Variants in PLD5 observed in about 807,000 individuals in gnomAD.
PLD5 encodes inactive phospholipase D5.
In PLD5, 36 loss-of-function variants were observed where a neutral mutation model predicts 61.1. The ratio of observed to expected loss-of-function variants is 0.59; its 90% CI spans 0.45 to 0.78. The LOEUF (loss-of-function observed/expected upper bound fraction) is 0.78, where lower values mean the gene tolerates loss of function less well. Ranked by LOEUF, PLD5 falls within the 30% of genes least tolerant of loss-of-function variation. The probability of loss-of-function intolerance (pLI) is 0.00; values close to 1 mark genes in which losing one functional copy is unlikely to be tolerated. For synonymous variants in PLD5, 243 were observed against 242.8 expected (o/e 1.00, Z -0.01); for missense variants, 515 against 644.4 (o/e 0.80, Z 2.17).
chr1:242,298,542 T>C (rs1675848491), intron 2 of PLD5, among the ~76,000 whole-genome samples: 1 of 152,162 alleles, frequency 6.6e-6, no homozygotes, highest in African/African-American at 2.4e-5. Flanking sequence ...AAAGCTAGAT[T>C]TGGCCTTTGT....
intron 1 of PLD5, among the ~76,000 whole-genome samples, chr1:242,484,510 A>G (rs1245276795): frequency 6.6e-6 from 1 of 152,226 alleles, no homozygotes; most frequent in Non-Finnish European, 1.5e-5. Flanking sequence ...CTAAACCAGG[A>G]AGAAGTTGAA....
chr1:242,125,696 C>T (rs1297232797), intron 5 of PLD5, among the ~76,000 whole-genome samples: 1 of 152,114 alleles, frequency 6.6e-6, no homozygotes, highest in African/African-American at 2.4e-5. Flanking sequence ...GACCCAGGGC[C>T]CATTGATAGT....
chr1:242,306,506 T>C (rs1285241459), intron 2 of PLD5, among the ~76,000 whole-genome samples: 1 of 150,944 alleles, frequency 6.6e-6, no homozygotes, highest in Non-Finnish European at 1.5e-5. Context: ...GTGAAACTGT[T>C]CTGGAAGCAA....
At chr1:242,431,386 T>C (rs1303107478) in intron 1 of PLD5, among the ~76,000 whole-genome samples, 2 of 152,246 alleles carry the variant, frequency 1.3e-5, no homozygotes. Context: ...GATAATCTTT[T>C]CTAGCGACTG....
intron 1 of PLD5, among the ~76,000 whole-genome samples, chr1:242,354,918 T>G (rs1170090911): frequency 6.6e-6 from 1 of 152,148 alleles, no homozygotes; most frequent in Non-Finnish European, 1.5e-5. Context: ...ATGTGGTGTA[T>G]CACATTTAAT....
At chr1:242,330,024 G>T (rs77862730) in intron 2 of PLD5, among the ~76,000 whole-genome samples, 12,487 of 152,122 alleles carry the variant, frequency 0.082, 662 homozygotes, top group East Asian at 0.24. Flanking sequence ...TTGTAAGACA[G>T]TTTTTTTAAA....
intron 5 of PLD5, among the ~76,000 whole-genome samples, chr1:242,126,936 T>C (rs1662833197): frequency 6.6e-6 from 1 of 151,886 alleles, no homozygotes; most frequent in Admixed American, 6.6e-5. Context: ...ATATCAAGAA[T>C]CTACAATGAA....
At chr1:242,432,538 G>T (rs189691453) in intron 1 of PLD5, among the ~76,000 whole-genome samples, 19 of 152,264 alleles carry the variant, frequency 1.2e-4, no homozygotes, top group African/African-American at 4.6e-4. Flanking sequence ...TAAAGCTGGG[G>T]CTTAAAGCCA....
intron 4 of PLD5, among the ~76,000 whole-genome samples, chr1:242,253,212 G>C (rs936275425): frequency 6.7e-6 from 1 of 148,694 alleles, no homozygotes; most frequent in Non-Finnish European, 1.5e-5. Context: ...GCTCACTGCA[G>C]GGTGGAACTC....
At chr1:242,418,899 A>G (rs1664973835) in intron 1 of PLD5, among the ~76,000 whole-genome samples, 1 of 152,200 alleles carries the variant, frequency 6.6e-6, no homozygotes, top group Non-Finnish European at 1.5e-5. Context: ...ACCAAATGGA[A>G]TAGTAATCTC....
chr1:242,428,260 A>T (rs1474087815), intron 1 of PLD5, among the ~76,000 whole-genome samples: 2 of 152,234 alleles, frequency 1.3e-5, no homozygotes, highest in Non-Finnish European at 2.9e-5. Context: ...GAGAGAAACA[A>T]AAGCCAAAAT....
At chr1:242,224,850 TGTA>T (rs1365966027) in intron 4 of PLD5, among the ~76,000 whole-genome samples, 2 of 152,178 alleles carry the variant, frequency 1.3e-5, no homozygotes, top group Non-Finnish European at 2.9e-5. Flanking sequence ...ACAATTTACT[TGTA>T]GTAAAATTCA....
intron 2 of PLD5, among the ~76,000 whole-genome samples, chr1:242,289,236 C>A (rs1675210797): frequency 6.6e-6 from 1 of 152,108 alleles, no homozygotes; most frequent in South Asian, 2.1e-4. Context: ...TATTGTCATA[C>A]CTTTCCTTGG....
Position 242,180,985 on chromosome 1 carries a change from A to AAAAC in PLD5, c.735+38999_735+39002dup, listed in dbSNP as rs545725246. Among the ~76,000 whole-genome samples the AAAAC allele has an allele frequency of 5.6e-3, 857 of 152,070 alleles. 6 individuals carry two copies. The highest frequency in any genetic ancestry group is 0.018 in the South Asian group (87 of 4,806). ...GTGACAGAGGAAGACTAGGTCTCAA[A>AAAAC]AAACAAACAAACAAACAAACAAACA... On this transcript the variant is annotated intron_variant, in intron 5 of 9. Transcript: ENST00000536534.
rs529140782 is a variant in PLD5, at chr1:242,322,634, C to G, written c.326+25472G>C. Among the ~76,000 whole-genome samples the G allele has an allele frequency of 3.9e-5, 6 of 152,274 alleles. No homozygotes were observed. In the East Asian group the frequency reaches 1.2e-3, roughly 29 times the overall value. ...ACTGGATCATGGGGGTGGATTTCCC[C>G]TTGCTGTTCCCATGATAGTGAGTGA... On this transcript the variant is annotated intron_variant, in intron 2 of 9. Coordinates refer to ENST00000536534, the MANE Select transcript of PLD5 (RefSeq NM_001372062.1).
intron 1 of PLD5, among the ~76,000 whole-genome samples, chr1:242,460,250 G>A (rs1040719506): frequency 3.3e-5 from 5 of 151,850 alleles, no homozygotes; most frequent in Admixed American, 6.6e-5. Context: ...ACCTACCCCC[G>A]CCCTCACTAA....
chr1:242,390,347 T>G (rs565509404), intron 1 of PLD5, among the ~76,000 whole-genome samples: 2 of 152,224 alleles, frequency 1.3e-5, no homozygotes, highest in Non-Finnish European at 2.9e-5. Flanking sequence ...TCTGGTCAAC[T>G]GAAGCAGAGA....
intron 1 of PLD5, among the ~76,000 whole-genome samples, chr1:242,398,913 AGTTG>A (rs1431972001): frequency 1.3e-5 from 2 of 152,148 alleles, no homozygotes; most frequent in Admixed American, 6.5e-5. Flanking sequence ...TAAGGATTGA[AGTTG>A]TCCAAAATTC....
At chr1:242,324,375 A>T (rs1658618455) in intron 2 of PLD5, among the ~76,000 whole-genome samples, 1 of 152,222 alleles carries the variant, frequency 6.6e-6, no homozygotes, top group South Asian at 2.1e-4. Flanking sequence ...CTTTTTGCTA[A>T]AAACAAAGTA....
Sources: gnomAD v4.1 joint callset for allele counts (sites outside exome capture counted in the v4.1 genomes callset) on GRCh38, gnomAD v4.1.1 for gene constraint, MANE v1.5 for transcripts, NCBI Gene and HGNC (gene_info 2026-07-23, HGNC 2026-07-21) for gene names.